The following LPA variants were observed in gnomAD, a reference collection of about 807,000 sequenced individuals.
LPA encodes apolipoprotein(a).
A neutral mutation model predicts 197.9 loss-of-function variants in LPA; 199 were observed. The ratio of observed to expected loss-of-function variants is 1.01; its 90% CI spans 0.90 to 1.13. LPA has a LOEUF of 1.13. LPA is among the 50% of genes most tolerant of loss of function. The pLI is 0.00. For synonymous variants in LPA, 715 were observed against 639.5 expected (o/e 1.12, Z -1.78); for missense variants, 1,853 against 1,785.8 (o/e 1.04, Z -0.68).
chr6:160,643,086 G>GTGTT (rs1779867206), intron 4 of LPA, among the ~76,000 whole-genome samples: 1 of 92,986 alleles, frequency 1.1e-5, no homozygotes, highest in African/African-American at 3.5e-5. Flanking sequence ...TGTTTTCAGT[G>GTGTT]TGTGTGTGTG....
At chr6:160,583,720 C>T (rs750328632) in intron 26 of LPA, among the ~76,000 whole-genome samples, 5 of 152,116 alleles carry the variant, frequency 3.3e-5, no homozygotes, top group Non-Finnish European at 7.4e-5. Flanking sequence ...TCCACAAATA[C>T]TTTCTCATTA....
At chr6:160,599,442 T>G in intron 20 of LPA, 58 bp downstream of exon 20, 1 of 1,606,532 alleles carries the variant, frequency 6.2e-7, no homozygotes, top group Non-Finnish European at 8.5e-7. Context: ...AGCATGACTC[T>G]TCTAACAGAA....
At position 160,540,086 on chromosome 6, in the gene LPA, AG is replaced by A. The variant is rs1777956992; in HGVS notation, c.5691del (p.Leu1898TrpfsTer11). 6.2e-7 allele frequency: 1 copy of A among 1,614,060 alleles called. No homozygotes were observed. The highest frequency in any genetic ancestry group is 1.7e-5 in the Admixed American group (1 of 60,012). On this transcript the variant is annotated frameshift_variant, in exon 36 of 39. Coordinates refer to ENST00000316300, the MANE Select transcript of LPA (RefSeq NM_005577.4). LOFTEE classifies it high-confidence loss of function. ...GCAATATCTGCTTGTGTGGGCTCCA[AG>A]AACAGCCTAGACACTTCTATTTCCT... Reference protein sequence around the residue: ...HVQEIEVSRLFLEPTQADIAL... With the variant: ...HVQEIEVSRLXLEPTQADIAL...
At position 160,589,619 on chromosome 6, in the gene LPA, G is replaced by A; in HGVS notation, c.3881C>T (p.Thr1294Ile). Residue 1294 changes from threonine to isoleucine, a missense_variant, in exon 24 of 39, where the codon ACA becomes ATA. Thr to Ile is a moderately conservative substitution (Grantham distance 89). Transcript: ENST00000316300. ...GSFSTTVTGR[T>I]CQSWSSMTPH... is the part of the protein sequence containing the mutation. ...TGTCATAGAGGACCAAGACTGACAT[G>A]TCCTTCCTGTAACAGTGGTGGAGAA... 1 of 1,613,954 alleles carries A rather than the reference G, an allele frequency of 6.2e-7. No individual in the cohort carries two copies. Among genetic ancestry groups the A allele is most frequent in the Non-Finnish European group, 8.5e-7 (1 of 1,179,874 alleles).
At chr6:160,580,878 C>G (rs1295928513) in intron 26 of LPA, among the ~76,000 whole-genome samples, 1 of 152,140 alleles carries the variant, frequency 6.6e-6, no homozygotes, top group African/African-American at 2.4e-5. Context: ...ATTTTCTTAA[C>G]AGTCATATTT....
chr6:160,576,688 G>GTA (rs1414636286), intron 28 of LPA, among the ~76,000 whole-genome samples: 1,516 of 57,670 alleles, frequency 0.026, 15 homozygotes, highest in East Asian at 0.058. Flanking sequence ...GTGTGTGTGT[G>GTA]TGTATATATA....
chr6:160,609,663 G>T (rs914351309), intron 16 of LPA, among the ~76,000 whole-genome samples: 6 of 151,948 alleles, frequency 3.9e-5, no homozygotes, highest in African/African-American at 1.5e-4. Context: ...GCTCTTTACT[G>T]TGACTTGCTT....
chr6:160,609,218 C>T (rs1779427101), intron 16 of LPA, among the ~76,000 whole-genome samples: 1 of 152,100 alleles, frequency 6.6e-6, no homozygotes, highest in Non-Finnish European at 1.5e-5. Flanking sequence ...AAGTCTTACA[C>T]TTTCCAGTTT....
At chr6:160,611,750 A>T in intron 15 of LPA, 29 bp from the exon 16 acceptor site, 2 of 1,370,592 alleles carry the variant, frequency 1.5e-6, no homozygotes, top group Non-Finnish European at 1.0e-6. Context: ...AAATAAACTG[A>T]GTATCTCTGA....
At chr6:160,655,735 T>A (rs906259651) in intron 1 of LPA, among the ~76,000 whole-genome samples, 1 of 152,230 alleles carries the variant, frequency 6.6e-6, no homozygotes, top group Admixed American at 6.5e-5. Flanking sequence ...GGCATACAAA[T>A]GTCTCACCAA....
At chr6:160,584,972 G>T in intron 26 of LPA, 74 bp downstream of exon 26, 2 of 1,497,878 alleles carry the variant, frequency 1.3e-6, no homozygotes, top group South Asian at 2.3e-5. Flanking sequence ...TAGGAAGTGA[G>T]CTTGTAGCAT....
chr6:160,589,771 A>G, intron 23 of LPA, 59 bp from the exon 24 acceptor site: 1 of 1,594,014 alleles, frequency 6.3e-7, no homozygotes, highest in East Asian at 2.2e-5. Flanking sequence ...AAGCATGAGA[A>G]AAAAAATCCA....
At chr6:160,551,840 T>C (rs575754188) in intron 30 of LPA, among the ~76,000 whole-genome samples, 1 of 152,302 alleles carries the variant, frequency 6.6e-6, no homozygotes, top group Admixed American at 6.5e-5. Context: ...CCATTTACCA[T>C]ATATGTATGT....
intron 26 of LPA, among the ~76,000 whole-genome samples, chr6:160,579,295 G>C (rs576192410): frequency 5.2e-4 from 79 of 152,200 alleles, no homozygotes; most frequent in African/African-American, 1.7e-3. Flanking sequence ...TATAAATACT[G>C]TATCTGGTAG....
In LPA at chr6:160,556,025, T is replaced by G. The variant is rs780039723; in HGVS notation, c.4973A>C (p.Asp1658Ala). 1 of 1,600,112 alleles carries G rather than the reference T, an allele frequency of 6.2e-7. No individual in the cohort carries two copies. Among genetic ancestry groups the G allele is most frequent in the Non-Finnish European group, 8.6e-7 (1 of 1,167,580 alleles). ...HQRTPENYPN[D>A]GLTMNYCRNP... ...CTTACAAGTAACATCAAAGACATAC[T>G]CATTTGGGTAGTTTTCTGGGGTCCT... Residue 1658 changes from aspartate to alanine, a missense_variant and splice_region_variant, in exon 30 of 39, where the codon GAT (aspartate) becomes GCT (alanine). Physicochemically the swap from Asp to Ala is moderately radical, Grantham distance 126. Transcript: ENST00000316300.
chr6:160,541,535 C>T (rs916139741), intron 34 of LPA, among the ~76,000 whole-genome samples: 16 of 152,212 alleles, frequency 1.1e-4, no homozygotes, highest in African/African-American at 3.1e-4. Context: ...CCCAAGGTCT[C>T]TTTCATTTTT....
chr6:160,601,188 C>T (rs754402613), intron 18 of LPA, 90 bp from the exon 19 acceptor site: 30 of 1,131,210 alleles, frequency 2.7e-5, no homozygotes, highest in Middle Eastern at 2.2e-4. Flanking sequence ...ATTACTGGTG[C>T]CTTTGAAATA....
intron 24 of LPA, among the ~76,000 whole-genome samples, chr6:160,588,393 T>C (rs749381153): frequency 2.6e-5 from 4 of 152,130 alleles, no homozygotes; most frequent in Non-Finnish European, 5.9e-5. Flanking sequence ...AATCCCAAAA[T>C]ACAGCTTTCT....
Position 160,646,414 on chromosome 6 carries a change from T to C in LPA, c.210-19A>G. On this transcript the variant is annotated intron_variant, in intron 2 of 38. Coordinates refer to ENST00000316300, the MANE Select transcript of LPA (RefSeq NM_005577.4). ...CAAGCCACTGGAAATTCCAAAACGATACACGTCACAAGAGGTGGGACAACA... is the reference window on the plus strand; with the variant it reads ...CAAGCCACTGGAAATTCCAAAACGACACACGTCACAAGAGGTGGGACAACA... The C allele has an allele frequency of 7.7e-5, 2 of 25,902 alleles. No individual in the cohort carries two copies. Among genetic ancestry groups the C allele is most frequent in the Admixed American group, 3.0e-4 (1 of 3,352 alleles). The allele number at this position is 25,902 out of a possible 1,614,324, so 1.6% of individuals were successfully genotyped here. A position where few individuals can be genotyped will look rare whatever the true frequency, so the allele number is the denominator to read the frequency against.
Sources: gnomAD v4.1 joint callset for allele counts (sites outside exome capture counted in the v4.1 genomes callset) on GRCh38, gnomAD v4.1.1 for gene constraint, MANE v1.5 for transcripts, NCBI Gene and HGNC (gene_info 2026-07-23, HGNC 2026-07-21) for gene names.